CCDC6: variants seen among roughly 807,000 people sequenced by gnomAD.
CCDC6 encodes coiled-coil domain-containing protein 6.
In CCDC6, 20 loss-of-function variants were observed where a neutral mutation model predicts 56.6. The observed-to-expected ratio is 0.35, with a 90% CI of 0.25 to 0.51. The LOEUF (loss-of-function observed/expected upper bound fraction) is 0.51. CCDC6 is among the 20% of genes least tolerant of loss of function. The pLI, the probability that CCDC6 is intolerant of heterozygous loss-of-function variation, is 0.95. For synonymous variants in CCDC6, 241 were observed against 234.4 expected, an observed-to-expected ratio of 1.03 and a Z score of -0.26; for missense variants, 367 against 601.1, an observed-to-expected ratio of 0.61 and a Z score of 4.07.
At chr10:59,804,580 T>A in intron 6 of CCDC6, 60 bp from the exon 7 acceptor site, 17 of 906,554 alleles carry the variant, frequency 1.9e-5, no homozygotes, top group Non-Finnish European at 2.8e-5. Flanking sequence ...CTTAGGAGAG[T>A]TTTTAAGAGA....
intron 2 of CCDC6, among the ~76,000 whole-genome samples, chr10:59,851,395 C>CAGT (rs1178106916): frequency 6.6e-6 from 1 of 152,100 alleles, no homozygotes; most frequent in African/African-American, 2.4e-5. Flanking sequence ...CTCTGCTAGA[C>CAGT]AGTAATGCCT....
intron 1 of CCDC6, among the ~76,000 whole-genome samples, chr10:59,884,580 A>C (rs1367970733): frequency 6.6e-6 from 1 of 152,196 alleles, no homozygotes; most frequent in Non-Finnish European, 1.5e-5. Flanking sequence ...CTTTACAGCA[A>C]GCCCTTGAAA....
intron 5 of CCDC6, among the ~76,000 whole-genome samples, chr10:59,810,562 A>G (rs567214550): frequency 1.6e-4 from 25 of 152,374 alleles, no homozygotes; most frequent in African/African-American, 5.8e-4. Context: ...GTGTACTCAC[A>G]TGGTAAAAAC....
At chr10:59,863,390 C>T (rs999082875) in intron 1 of CCDC6, among the ~76,000 whole-genome samples, 1 of 152,216 alleles carries the variant, frequency 6.6e-6, no homozygotes, top group African/African-American at 2.4e-5. Flanking sequence ...CATTTTCCCT[C>T]TTAGAATTCA....
Position 59,792,988 on chromosome 10 carries a change from T to C in CCDC6, c.1354A>G (p.Thr452Ala). 3 of 1,613,126 alleles carry C rather than the reference T, an allele frequency of 1.9e-6. No individual in the cohort carries two copies. Among genetic ancestry groups the C allele is most frequent in the Non-Finnish European group, 1.7e-6 (2 of 1,179,334 alleles). Residue 452 changes from threonine to alanine, a missense_variant, in exon 9 of 9, where the codon ACG (threonine) becomes GCG (alanine). Thr to Ala is a moderately conservative substitution (Grantham distance 58, BLOSUM62 0). Coordinates refer to ENST00000263102, the MANE Select transcript of CCDC6 (RefSeq NM_005436.5). ...PPPPPPPMQP[T>A]VPSAATSQPT... ...TGCGAGGTGGCTGCTGAGGGGACCGTGGGCTGCATGGGTGGCGGAGGTGGA... is the reference window on the plus strand; with the variant it reads ...TGCGAGGTGGCTGCTGAGGGGACCGCGGGCTGCATGGGTGGCGGAGGTGGA...
At chr10:59,809,417 A>T (rs2070654235) in intron 5 of CCDC6, among the ~76,000 whole-genome samples, 1 of 152,200 alleles carries the variant, frequency 6.6e-6, no homozygotes, top group Admixed American at 6.5e-5. Flanking sequence ...CCCTGCAGTG[A>T]TCGGCTGGGA....
intron 7 of CCDC6, among the ~76,000 whole-genome samples, chr10:59,798,677 T>C (rs2070544950): frequency 6.6e-6 from 1 of 152,164 alleles, no homozygotes; most frequent in Non-Finnish European, 1.5e-5. Flanking sequence ...ATGAAAGTGA[T>C]TACATTTAAG....
At chr10:59,813,077 T>C (rs928872850) in intron 4 of CCDC6, among the ~76,000 whole-genome samples, 4 of 152,234 alleles carry the variant, frequency 2.6e-5, no homozygotes, top group African/African-American at 9.6e-5. Flanking sequence ...CAACAGGATC[T>C]GATAATTATG....
rs2070462899 is a variant in CCDC6, at chr10:59,791,022, G to C, written c.*1895C>G. 4.8e-6 allele frequency: 1 copy of C among 206,752 alleles called. No homozygotes were observed. Among genetic ancestry groups the C allele is most frequent in the Non-Finnish European group, 9.9e-6 (1 of 101,382 alleles). 12.8% of individuals were successfully genotyped at this position (206,752 alleles called of 1,614,324 possible). On this transcript the variant is annotated 3_prime_UTR_variant, in exon 9 of 9. Coordinates refer to ENST00000263102, the MANE Select transcript of CCDC6 (RefSeq NM_005436.5). ...TGTACCATGAAGGCAAAATTTGTTTGCCTACTCTCAGAATTCCTTGGAATG... is the reference window on the plus strand; with the variant it reads ...TGTACCATGAAGGCAAAATTTGTTTCCCTACTCTCAGAATTCCTTGGAATG...
intron 5 of CCDC6, among the ~76,000 whole-genome samples, 172 bp downstream of exon 5, chr10:59,812,463 C>CA (rs11408656): frequency 0.37 from 52,971 of 141,790 alleles, 9,379 homozygotes; most frequent in South Asian, 0.44. Context: ...CTATAACACT[C>CA]AAAAAAAAAA....
At chr10:59,866,746 T>C (rs1196305428) in intron 1 of CCDC6, among the ~76,000 whole-genome samples, 3 of 152,202 alleles carry the variant, frequency 2.0e-5, no homozygotes, top group African/African-American at 4.8e-5. Flanking sequence ...AGTCCTTCTA[T>C]GGTCTAAACT....
intron 1 of CCDC6, among the ~76,000 whole-genome samples, chr10:59,890,014 C>T (rs2071409776): frequency 6.6e-6 from 1 of 152,148 alleles, no homozygotes. Context: ...TAGAGCCAAA[C>T]CCCTCACCTG....
At chr10:59,820,050 TA>T (rs143690881) in intron 3 of CCDC6, among the ~76,000 whole-genome samples, 3,694 of 152,308 alleles carry the variant, frequency 0.024, 80 homozygotes, top group Non-Finnish European at 0.037. Flanking sequence ...CTTCAATGAA[TA>T]AACTTAATAT....
intron 7 of CCDC6, among the ~76,000 whole-genome samples, chr10:59,804,032 A>G (rs916310211): frequency 2.0e-5 from 3 of 152,178 alleles, no homozygotes; most frequent in Admixed American, 1.3e-4. Flanking sequence ...AATGAGATTA[A>G]TGTATGTGGA....
At chr10:59,794,058 C>T (rs377091472) in intron 8 of CCDC6, among the ~76,000 whole-genome samples, 2 of 152,014 alleles carry the variant, frequency 1.3e-5, no homozygotes, top group African/African-American at 2.4e-5. Flanking sequence ...CCTTGTAATT[C>T]GAGGAGAGAA....
At chr10:59,858,699 C>CA (rs1282234018) in intron 1 of CCDC6, among the ~76,000 whole-genome samples, 2 of 152,188 alleles carry the variant, frequency 1.3e-5, no homozygotes, top group Non-Finnish European at 2.9e-5. Context: ...CATGTCAGTT[C>CA]AAAAACACTC....
chr10:59,793,244 C>T, intron 8 of CCDC6, 133 bp from the exon 9 acceptor site: 2 of 679,908 alleles, frequency 2.9e-6, no homozygotes, highest in East Asian at 5.5e-5. Context: ...TTTCTTTCTT[C>T]ATCCCTACTG....
Position 59,845,822 on chromosome 10 carries a change from C to T in CCDC6, c.453+6731G>A, listed in dbSNP as rs539906820. Among the ~76,000 whole-genome samples, 20 of 152,328 alleles carry T rather than the reference C, an allele frequency of 1.3e-4. No individual in the cohort carries two copies. The South Asian group carries it at 2.9e-3, about 22-fold the overall frequency. The stretch of plus-strand genomic sequence containing the variant: ...GATCTAGTCATCTAAATATAAAGGA[C>T]ATACTTCATTTAGATCTCTCCCCTA... On this transcript the variant is annotated intron_variant, in intron 2 of 8. Coordinates refer to ENST00000263102, the MANE Select transcript of CCDC6 (RefSeq NM_005436.5).
intron 1 of CCDC6, among the ~76,000 whole-genome samples, chr10:59,885,125 A>G (rs927045373): frequency 6.6e-6 from 1 of 151,962 alleles, no homozygotes; most frequent in African/African-American, 2.4e-5. Context: ...GAAAAGGAGA[A>G]AAGGAAAGAA....
Sources: gnomAD v4.1 joint callset for allele counts (sites outside exome capture counted in the v4.1 genomes callset) on GRCh38, gnomAD v4.1.1 for gene constraint, MANE v1.5 for transcripts, NCBI Gene and HGNC (gene_info 2026-07-23, HGNC 2026-07-21) for gene names.